The following GTF2F2 variants were observed in gnomAD, a reference collection of about 807,000 sequenced individuals.
The protein encoded by GTF2F2 is general transcription factor IIF subunit 2, also known as ATP-dependent helicase GTF2F2.
In GTF2F2, 23 loss-of-function variants were observed where a neutral mutation model predicts 42.2. The observed-to-expected ratio is 0.55, with a 90% CI of 0.39 to 0.77. The LOEUF (loss-of-function observed/expected upper bound fraction) is 0.77. GTF2F2 is among the 30% of genes least tolerant of loss of function. The probability of loss-of-function intolerance (pLI) is 0.00; values close to 1 mark genes in which losing one functional copy is unlikely to be tolerated. For synonymous variants in GTF2F2, 105 were observed against 100.8 expected (o/e 1.04, Z -0.25); for missense variants, 261 against 287.2 (o/e 0.91, Z 0.66).
chr13:45,226,454 G>C lies in GTF2F2; in HGVS notation c.386+18949G>C, dbSNP rs143994687. On this transcript the variant is annotated intron_variant, in intron 5 of 7. Coordinates refer to ENST00000340473, the MANE Select transcript of GTF2F2 (RefSeq NM_004128.3). ...AAAGTTTCATTCTTATACATCATAG[G>C]GTCTGTTTCTAAGCAGTTTTTTCCA... Among the ~76,000 whole-genome samples the C allele has an allele frequency of 4.9e-3, 751 of 151,918 alleles. 8 individuals are homozygous for C. Among genetic ancestry groups the C allele is most frequent in the African/African-American group, 0.017 (712 of 41,428 alleles).
chr13:45,265,438 G>A (rs181325594), intron 6 of GTF2F2, among the ~76,000 whole-genome samples: 26 of 152,004 alleles, frequency 1.7e-4, no homozygotes, highest in African/African-American at 5.3e-4. Flanking sequence ...ATTTAAAGCC[G>A]TTTTAGAAAG....
At chr13:45,173,699 G>C (rs1359872638) in intron 4 of GTF2F2, among the ~76,000 whole-genome samples, 2 of 142,002 alleles carry the variant, frequency 1.4e-5, no homozygotes, top group Non-Finnish European at 3.0e-5. Context: ...CTCACTGCAA[G>C]CTCCGCCTCC....
In GTF2F2 at chr13:45,223,826, G is replaced by A. The variant is rs1874219089; in HGVS notation, c.386+16321G>A. On this transcript the variant is annotated intron_variant, in intron 5 of 7. Transcript: ENST00000340473. ...CAAAGAACTAAAAATCTTAAAGGAT[G>A]TCTTGTCTTGACAATTATCTCTGTT... 3.3e-5 allele frequency among the ~76,000 whole-genome samples: 5 copies of A among 152,272 alleles called. No homozygotes were observed. The South Asian group carries it at 1.0e-3, about 32-fold the overall frequency.
chr13:45,243,254 C>T (rs958090093), intron 5 of GTF2F2, among the ~76,000 whole-genome samples: 7 of 152,288 alleles, frequency 4.6e-5, no homozygotes, highest in African/African-American at 1.4e-4. Flanking sequence ...CATACTGGTC[C>T]GTGCCTGTTA....
At chr13:45,211,424 A>C (rs180749628) in intron 5 of GTF2F2, among the ~76,000 whole-genome samples, 137 of 149,668 alleles carry the variant, frequency 9.2e-4, no homozygotes, top group Middle Eastern at 6.8e-3. Flanking sequence ...TTATTTTTAA[A>C]TATTTACTTA....
intron 5 of GTF2F2, among the ~76,000 whole-genome samples, chr13:45,214,692 C>T (rs1324534147): frequency 6.6e-6 from 1 of 151,998 alleles, no homozygotes; most frequent in African/African-American, 2.4e-5. Flanking sequence ...ATGTATTAAA[C>T]TGATTTAATT....
At chr13:45,194,461 G>T (rs996874881) in intron 4 of GTF2F2, 1 of 1,614,050 alleles carries the variant, frequency 6.2e-7, no homozygotes, top group Middle Eastern at 1.7e-4. Flanking sequence ...AACGTTGAGG[G>T]TCATCAGTGT....
chr13:45,261,710 T>C (rs1593524126), intron 6 of GTF2F2, among the ~76,000 whole-genome samples: 1 of 152,274 alleles, frequency 6.6e-6, no homozygotes, highest in South Asian at 2.1e-4. Flanking sequence ...TTACAGTGCC[T>C]GAGCTCCACT....
At chr13:45,168,721 C>T (rs1566121262) in intron 4 of GTF2F2, among the ~76,000 whole-genome samples, 1 of 151,984 alleles carries the variant, frequency 6.6e-6, no homozygotes, top group Non-Finnish European at 1.5e-5. Flanking sequence ...CTAGTGATTT[C>T]CCCACCTCAG....
At chr13:45,137,520 A>G (rs1001935541) in intron 2 of GTF2F2, among the ~76,000 whole-genome samples, 7 of 152,234 alleles carry the variant, frequency 4.6e-5, no homozygotes, top group South Asian at 2.1e-4. Context: ...TGATAATTCT[A>G]TGGATCAATT....
intron 6 of GTF2F2, among the ~76,000 whole-genome samples, chr13:45,256,976 T>G (rs545779208): frequency 6.6e-6 from 1 of 152,246 alleles, no homozygotes; most frequent in South Asian, 2.1e-4. Flanking sequence ...AAATTGCATA[T>G]GTATTTGAAA....
chr13:45,235,531 A>C (rs1324530913), intron 5 of GTF2F2, among the ~76,000 whole-genome samples: 1 of 151,908 alleles, frequency 6.6e-6, no homozygotes, highest in East Asian at 1.9e-4. Context: ...GAAATTAGCA[A>C]ATTAAATGGA....
chr13:45,140,531 A>G (rs1869873920), intron 2 of GTF2F2, among the ~76,000 whole-genome samples: 1 of 152,230 alleles, frequency 6.6e-6, no homozygotes, highest in South Asian at 2.1e-4. Flanking sequence ...GGGCTTTTAT[A>G]TGAATCCATT....
In GTF2F2 at chr13:45,149,791, A is replaced by T; in HGVS notation, c.159+3A>T. 6.7e-7 allele frequency: 1 copy of T among 1,498,804 alleles called. No homozygotes were observed. Among genetic ancestry groups the T allele is most frequent in the Non-Finnish European group, 9.0e-7 (1 of 1,114,864 alleles). 92.8% of individuals were successfully genotyped at this position (1,498,804 alleles called of 1,614,324 possible). On this transcript the variant is annotated splice_donor_region_variant and intron_variant, in intron 3 of 7. Coordinates refer to ENST00000340473, the MANE Select transcript of GTF2F2 (RefSeq NM_004128.3). ...TTAGGACTCAAGGAAGGACTGAGGT[A>T]AGATTATTTATATGGAAATTTTAGT...
At chr13:45,258,979 G>GC (rs1335201435) in intron 6 of GTF2F2, among the ~76,000 whole-genome samples, 1 of 152,170 alleles carries the variant, frequency 6.6e-6, no homozygotes, top group Non-Finnish European at 1.5e-5. Context: ...TCTAGCCTAT[G>GC]TAAATTTCAT....
At chr13:45,122,788 G>A (rs1257643277) in intron 1 of GTF2F2, among the ~76,000 whole-genome samples, 1 of 152,034 alleles carries the variant, frequency 6.6e-6, no homozygotes, top group Non-Finnish European at 1.5e-5. Context: ...CTTGAGTTCT[G>A]ATCTTTGTTG....
intron 4 of GTF2F2, 65 bp downstream of exon 4, chr13:45,151,896 A>C: frequency 1.5e-6 from 1 of 668,082 alleles, no homozygotes; most frequent in Non-Finnish European, 2.3e-6. Context: ...CTGTCTCAAC[A>C]TACACTCCTA....
intron 2 of GTF2F2, among the ~76,000 whole-genome samples, chr13:45,145,780 C>T (rs1870162894): frequency 6.6e-6 from 1 of 152,122 alleles, no homozygotes; most frequent in Admixed American, 6.5e-5. Context: ...ATTCACCCTG[C>T]TTGGGCTGTA....
intron 2 of GTF2F2, among the ~76,000 whole-genome samples, chr13:45,139,047 C>T (rs1869780749): frequency 6.6e-6 from 1 of 152,168 alleles, no homozygotes; most frequent in South Asian, 2.1e-4. Flanking sequence ...TCCATCTCAG[C>T]GCATGTTAAA....
Sources: gnomAD v4.1 joint callset for allele counts (sites outside exome capture counted in the v4.1 genomes callset) on GRCh38, gnomAD v4.1.1 for gene constraint, MANE v1.5 for transcripts, NCBI Gene and HGNC (gene_info 2026-07-23, HGNC 2026-07-21) for gene names.